CGGBP1: variants seen among roughly 807,000 people sequenced by gnomAD.
The protein encoded by CGGBP1 is CGG triplet repeat-binding protein 1.
In CGGBP1, 4 loss-of-function variants were observed where a neutral mutation model predicts 11.4. The ratio of observed to expected loss-of-function variants is 0.35; its 90% CI spans 0.17 to 0.80. The LOEUF is 0.80. Ranked by LOEUF, CGGBP1 falls within the 30% of genes least tolerant of loss-of-function variation. CGGBP1 has a pLI of 0.52. For synonymous variants in CGGBP1, 76 were observed against 74.1 expected (o/e 1.03, Z -0.13); for missense variants, 135 against 202.1 (o/e 0.67, Z 2.01).
chr3:88,074,319 A>G lies in CGGBP1; in HGVS notation c.-228-16096T>C, dbSNP rs1402459407. On this transcript the variant is annotated intron_variant, in intron 2 of 3. Coordinates refer to the CGGBP1 transcript ENST00000462901. Reference sequence around the variant, plus strand: ...TAGCCCTCTAAAGGAGAATTCTTTAACTTCCAGGCTCTTTTTATATCTTAC... The same window carrying G: ...TAGCCCTCTAAAGGAGAATTCTTTAGCTTCCAGGCTCTTTTTATATCTTAC... 2.0e-5 allele frequency among the ~76,000 whole-genome samples: 3 copies of G among 147,084 alleles called. No homozygotes were observed. The East Asian group carries it at 6.0e-4, about 29-fold the overall frequency.
Position 88,140,876 on chromosome 3 carries a change from T to C in CGGBP1, c.-229+94A>G, listed in dbSNP as rs368148211. On this transcript the variant is annotated intron_variant, in intron 2 of 3. Coordinates refer to the CGGBP1 transcript ENST00000462901. ...TTAGTATGCCAAAACGCAGAAAATT[T>C]CTGACTGATAGAGTAGATGCCTGTT... 6 of 1,613,518 alleles carry C rather than the reference T, an allele frequency of 3.7e-6. No homozygotes were observed. The African/African-American group carries it at 8.0e-5, about 22-fold the overall frequency.
Position 88,053,415 on chromosome 3 carries a change from G to A in CGGBP1, c.*2058C>T, listed in dbSNP as rs2107555129. 6.6e-6 allele frequency: 1 copy of A among 152,138 alleles called. No individual in the cohort carries two copies. Among genetic ancestry groups the A allele is most frequent in the African/African-American group, 2.4e-5 (1 of 41,536 alleles). The allele number at this position is 152,138 out of a possible 1,614,324, so 9.4% of individuals were successfully genotyped here. ...CAGTGAATGTGGGAATTAATTAGGAGTCTGAAAAAATACATTAAGATATAT... is the reference window on the plus strand; with the variant it reads ...CAGTGAATGTGGGAATTAATTAGGAATCTGAAAAAATACATTAAGATATAT... On this transcript the variant is annotated 3_prime_UTR_variant, in exon 4 of 4. Transcript: ENST00000482016.
At chr3:88,086,417 C>T (rs1287889723) in intron 2 of CGGBP1, 7 of 1,476,760 alleles carry the variant, frequency 4.7e-6, no homozygotes, top group Middle Eastern at 1.8e-4. Flanking sequence ...GTACTTTTTA[C>T]TTCTTATAAA....
rs1704671683 is a variant in CGGBP1 at position 88,105,317 on chromosome 3, T to TCATTCCA, written c.-229+35646_-229+35652dup. ...TTTACTTAGTATTATATCTTGGAGA[T>TCATTCCA]CATTCCACAGTGATACAGACTATTC... On this transcript the variant is annotated intron_variant, in intron 2 of 3. Transcript: ENST00000462901. Among the ~76,000 whole-genome samples, 4 of 152,176 alleles carry TCATTCCA rather than the reference T, an allele frequency of 2.6e-5. No individual in the cohort carries two copies. The South Asian group carries it at 8.3e-4, about 32-fold the overall frequency.
Position 88,055,578 on chromosome 3 carries a change from A to G in CGGBP1, c.399T>C (p.His133=). 2.5e-6 allele frequency: 4 copies of G among 1,611,574 alleles called. No individual in the cohort carries two copies. The highest frequency in any genetic ancestry group is 1.3e-5 in the African/African-American group (1 of 75,010). ...HPAVRAFLSR[H]VKNGGSIPKS... is the part of the protein sequence containing the mutation. ...TAGGTATGGAGCCTCCATTCTTCAC[A>G]TGGCGAGATAGGAAAGCACGGACTG... The change falls in exon 4 of 4, where the codon CAT becomes CAC. Residue 133 remains histidine (H), a synonymous_variant. Coordinates refer to ENST00000482016, the MANE Select transcript of CGGBP1 (RefSeq NM_001008390.2). The surrounding 1 kb of genome is among the most constrained non-coding windows in gnomAD (Gnocchi z 4.2).
chr3:88,144,883 A>G lies in CGGBP1; in HGVS notation c.-337-3805T>C, dbSNP rs143256278. On this transcript the variant is annotated intron_variant, in intron 1 of 3. Coordinates refer to the CGGBP1 transcript ENST00000462901. The stretch of plus-strand genomic sequence containing the variant: ...TTTTTGGACATTTTAACGAATGCCT[A>G]TATGGAGGAATAAAAGTTGACAGAA... 5.9e-4 allele frequency among the ~76,000 whole-genome samples: 90 copies of G among 152,120 alleles called. 1 individual carries two copies. In the East Asian group the frequency reaches 0.015, roughly 25 times the overall value.
intron 2 of CGGBP1, among the ~76,000 whole-genome samples, chr3:88,130,358 C>T (rs1467162001): frequency 6.6e-6 from 1 of 152,066 alleles, no homozygotes; most frequent in Non-Finnish European, 1.5e-5. Flanking sequence ...TGATCATGGG[C>T]TATAAACATT....
chr3:88,099,642 A>T (rs1433528027), intron 2 of CGGBP1, among the ~76,000 whole-genome samples: 1 of 152,200 alleles, frequency 6.6e-6, no homozygotes, highest in Non-Finnish European at 1.5e-5. Flanking sequence ...GACCAATGGA[A>T]CAGGACAGAG....
intron 2 of CGGBP1, chr3:88,086,188 A>G (rs1483493739): frequency 7.0e-7 from 1 of 1,418,566 alleles, no homozygotes; most frequent in African/African-American, 1.4e-5. Context: ...AGTAACTTTT[A>G]TGCAAATTTT....
At chr3:88,083,264 C>T (rs9835178) in intron 2 of CGGBP1, among the ~76,000 whole-genome samples, 113,803 of 152,150 alleles carry the variant, frequency 0.75, 44,623 homozygotes, top group South Asian at 0.91. Context: ...TTTTAGTGTT[C>T]CTAAATGATT....
intron 2 of CGGBP1, chr3:88,095,464 A>G (rs1216298537): frequency 5.2e-6 from 2 of 388,346 alleles, no homozygotes; most frequent in East Asian, 8.2e-5. Flanking sequence ...TACGCATGCA[A>G]CATCAGTCTC....
chr3:88,111,040 G>C (rs115129827), intron 2 of CGGBP1, among the ~76,000 whole-genome samples: 2,105 of 152,148 alleles, frequency 0.014, 23 homozygotes, highest in Admixed American at 0.032. Flanking sequence ...AAGTTGGTAA[G>C]TAGTGGGTTC....
upstream of CGGBP1, chr3:88,059,462 G>A: frequency 6.6e-7 from 1 of 1,522,258 alleles, no homozygotes; most frequent in Non-Finnish European, 8.8e-7. Flanking sequence ...TGCGGCGGCG[G>A]CGTCGGAATC....
chr3:88,144,585 TCAA>T (rs1438633401), intron 1 of CGGBP1: 10 of 152,496 alleles, frequency 6.6e-5, no homozygotes, highest in Non-Finnish European at 1.3e-4. Flanking sequence ...CTGCAATAAA[TCAA>T]CAATAGTGTC....
chr3:88,115,296 TCA>T (rs1705324184), intron 2 of CGGBP1, among the ~76,000 whole-genome samples: 1 of 152,228 alleles, frequency 6.6e-6, no homozygotes, highest in Non-Finnish European at 1.5e-5. Context: ...CCGCTGTATT[TCA>T]ACTGTGAGTT....
chr3:88,085,851 C>G (rs1708309915), intron 2 of CGGBP1, among the ~76,000 whole-genome samples: 1 of 152,108 alleles, frequency 6.6e-6, no homozygotes, highest in African/African-American at 2.4e-5. Context: ...TGCCAGAATG[C>G]TTAGAGTCTT....
intron 1 of CGGBP1, among the ~76,000 whole-genome samples, chr3:88,146,449 G>C (rs1269442548): frequency 6.6e-6 from 1 of 152,116 alleles, no homozygotes; most frequent in East Asian, 1.9e-4. Flanking sequence ...AGGGTTTTTT[G>C]TTGTTTTTTG....
rs188787709 is a variant in CGGBP1 at position 88,140,899 on chromosome 3, G to A, written c.-229+71C>T. 7.6e-4 allele frequency: 1,225 copies of A among 1,613,566 alleles called. No individual in the cohort carries two copies. The highest frequency in any genetic ancestry group is 9.9e-4 in the Non-Finnish European group (1,168 of 1,179,652). ...TTTCTGACTGATAGAGTAGATGCCT[G>A]TTCTGATCAAGATAACGTGTATAAA... On this transcript the variant is annotated intron_variant, in intron 2 of 3. Coordinates refer to the CGGBP1 transcript ENST00000462901.
chr3:88,118,177 A>G (rs1212552263), intron 2 of CGGBP1, among the ~76,000 whole-genome samples: 1 of 152,118 alleles, frequency 6.6e-6, no homozygotes, highest in Admixed American at 6.5e-5. Context: ...TGAAGCCAGT[A>G]TATAAGTCGC....
Sources: allele counts gnomAD v4.1 joint callset (sites outside exome capture counted in the v4.1 genomes callset), GRCh38; gene constraint gnomAD v4.1.1; non-coding constraint Gnocchi (gnomAD v3.1); transcripts MANE v1.5; gene names NCBI Gene and HGNC (gene_info 2026-07-23, HGNC 2026-07-21).